RARS2: variants seen among roughly 807,000 people sequenced by gnomAD.
RARS2 encodes arginyl-tRNA synthetase 2, mitochondrial.
Under a neutral mutation model 88.5 loss-of-function variants are expected in RARS2, and 67 were observed. The observed-to-expected ratio is 0.76, with a 90% CI of 0.62 to 0.93. The LOEUF (loss-of-function observed/expected upper bound fraction) is 0.93. Ranked by LOEUF, RARS2 falls within the 40% of genes least tolerant of loss-of-function variation. RARS2 has a pLI of 0.00. For missense variants in RARS2, 664 were observed against 684.2 expected, an observed-to-expected ratio of 0.97 and a Z score of 0.33; for synonymous variants, 239 against 230.3, an observed-to-expected ratio of 1.04 and a Z score of -0.34.
At chr6:87,589,124 G>A (rs1285642022) in intron 1 of RARS2, among the ~76,000 whole-genome samples, 1 of 152,224 alleles carries the variant, frequency 6.6e-6, no homozygotes, top group Non-Finnish European at 1.5e-5. Flanking sequence ...CCATTAATCA[G>A]AAGGAAATGG....
intron 1 of RARS2, among the ~76,000 whole-genome samples, chr6:87,583,320 T>C (rs904488507): frequency 3.3e-5 from 5 of 152,236 alleles, no homozygotes; most frequent in African/African-American, 9.6e-5. Context: ...CCAGGAATGG[T>C]GGCTCTTGCC....
chr6:87,548,686 T>C, intron 5 of RARS2, 40 bp from the exon 6 acceptor site: 1 of 1,566,668 alleles, frequency 6.4e-7, no homozygotes, highest in South Asian at 1.1e-5. Context: ...TTCTAAGACT[T>C]AAGACTTCTA....
intron 1 of RARS2, among the ~76,000 whole-genome samples, chr6:87,586,640 G>A (rs1775238581): frequency 6.6e-6 from 1 of 152,206 alleles, no homozygotes; most frequent in Non-Finnish European, 1.5e-5. Context: ...ACTGATGACA[G>A]TGCTTAGAAA....
chr6:87,540,686 G>C (rs201781341), intron 8 of RARS2, among the ~76,000 whole-genome samples: 1 of 152,100 alleles, frequency 6.6e-6, no homozygotes, highest in Non-Finnish European at 1.5e-5. Flanking sequence ...TCCACTGTGA[G>C]GCCCAGAAAC....
At chr6:87,569,748 G>A (rs899360521) in intron 1 of RARS2, among the ~76,000 whole-genome samples, 158 bp from the exon 2 acceptor site, 1 of 152,150 alleles carries the variant, frequency 6.6e-6, no homozygotes, top group Non-Finnish European at 1.5e-5. Context: ...GGTATATAGT[G>A]TATGATTCAA....
In RARS2 at chr6:87,515,434, G is replaced by C. The variant is rs541017459; in HGVS notation, c.1587-414C>G. Among the ~76,000 whole-genome samples, 178 of 151,574 alleles carry C rather than the reference G, an allele frequency of 1.2e-3. 2 individuals carry two copies. Among genetic ancestry groups the C allele is most frequent in the Non-Finnish European group, 8.1e-4 (55 of 67,806 alleles). ...ACTCGGGAGGCTGAGGCAGGAGAAT[G>C]GCGTGAACCCAGGAGGCAGAGCTTG... On this transcript the variant is annotated intron_variant, in intron 18 of 19. Coordinates refer to ENST00000369536, the MANE Select transcript of RARS2 (RefSeq NM_020320.5).
intron 18 of RARS2, among the ~76,000 whole-genome samples, chr6:87,516,463 T>A (rs142370213): frequency 6.6e-6 from 1 of 152,182 alleles, no homozygotes; most frequent in East Asian, 1.9e-4. Context: ...CCCAGCCACA[T>A]TCCTTCTGAT....
At chr6:87,579,326 G>A (rs1772648952) in intron 1 of RARS2, among the ~76,000 whole-genome samples, 1 of 152,168 alleles carries the variant, frequency 6.6e-6, no homozygotes, top group African/African-American at 2.4e-5. Context: ...GCAGAAGGAT[G>A]TAAAACATTC....
chr6:87,552,646 C>A (rs975428148), intron 5 of RARS2, among the ~76,000 whole-genome samples: 3 of 151,644 alleles, frequency 2.0e-5, no homozygotes, highest in African/African-American at 7.3e-5. Flanking sequence ...AAAAAAGGAG[C>A]AGTATATGGG....
intron 11 of RARS2, among the ~76,000 whole-genome samples, chr6:87,522,333 T>TTA (rs766392209): frequency 1.1e-4 from 10 of 88,726 alleles, no homozygotes; most frequent in Non-Finnish European, 1.5e-4. Context: ...CCGTCTCAAT[T>TTA]AAAAAAAAAA....
chr6:87,522,890 G>A (rs762310890), intron 11 of RARS2, among the ~76,000 whole-genome samples: 3 of 152,090 alleles, frequency 2.0e-5, no homozygotes, highest in Non-Finnish European at 2.9e-5. Context: ...GATTACAGGC[G>A]TGAGCCACTA....
chr6:87,542,661 G>GAAA (rs10628110), intron 7 of RARS2, among the ~76,000 whole-genome samples: 1 of 134,532 alleles, frequency 7.4e-6, no homozygotes, highest in African/African-American at 2.7e-5. Context: ...AAAAAAAAAA[G>GAAA]AAAAAAAAAA....
intron 10 of RARS2, among the ~76,000 whole-genome samples, chr6:87,527,303 G>C (rs990492399): frequency 6.6e-6 from 1 of 151,946 alleles, no homozygotes; most frequent in East Asian, 2.0e-4. Flanking sequence ...GTGAGACCCC[G>C]TCTCAAAAAA....
chr6:87,526,500 A>G (rs1775760614), intron 10 of RARS2, among the ~76,000 whole-genome samples: 1 of 147,230 alleles, frequency 6.8e-6, no homozygotes, highest in South Asian at 2.2e-4. Flanking sequence ...TGGATAACAA[A>G]GCCAGACCCT....
At chr6:87,589,629 A>AATG (rs1776378847) in intron 1 of RARS2, 1 of 972,454 alleles carries the variant, frequency 1.0e-6, no homozygotes, top group African/African-American at 1.8e-5. Flanking sequence ...ATCATGGTCT[A>AATG]ATGACTTGCC....
In RARS2 at chr6:87,566,081, G is replaced by T. The variant is rs140682655; in HGVS notation, c.111-1849C>A. Reference sequence around the variant, plus strand: ...TAATTCCAACATTTGGGAGGCCAAGGCAGGAGGATTGCTTGAGCTCAGGAG... The same window carrying T: ...TAATTCCAACATTTGGGAGGCCAAGTCAGGAGGATTGCTTGAGCTCAGGAG... On this transcript the variant is annotated intron_variant, in intron 2 of 19. Transcript: ENST00000369536. 3.1e-3 allele frequency among the ~76,000 whole-genome samples: 478 copies of T among 152,272 alleles called. 1 individual carries two copies. The highest frequency in any genetic ancestry group is 5.0e-3 in the Non-Finnish European group (342 of 68,026).
At chr6:87,530,420 G>T (rs1436375509) in intron 9 of RARS2, among the ~76,000 whole-genome samples, 1 of 152,142 alleles carries the variant, frequency 6.6e-6, no homozygotes, top group Non-Finnish European at 1.5e-5. Context: ...GAGAACAAGG[G>T]TTTTCCTCTT....
At chr6:87,541,424 G>T (rs1226900588) in intron 8 of RARS2, among the ~76,000 whole-genome samples, 1 of 152,186 alleles carries the variant, frequency 6.6e-6, no homozygotes, top group African/African-American at 2.4e-5. Flanking sequence ...CAATCCTCCT[G>T]CCTTGGCCTC....
At chr6:87,571,762 T>A (rs1769819835) in intron 1 of RARS2, among the ~76,000 whole-genome samples, 1 of 152,232 alleles carries the variant, frequency 6.6e-6, no homozygotes, top group Non-Finnish European at 1.5e-5. Flanking sequence ...AGTTATTTGT[T>A]GAATTTCACA....
Sources: gnomAD v4.1 joint callset for allele counts (sites outside exome capture counted in the v4.1 genomes callset) on GRCh38, gnomAD v4.1.1 for gene constraint, MANE v1.5 for transcripts, NCBI Gene and HGNC (gene_info 2026-07-23, HGNC 2026-07-21) for gene names.